ANKRD24: variants seen among roughly 807,000 people sequenced by gnomAD.
ANKRD24 encodes ankyrin repeat domain-containing protein 24.
In ANKRD24, 109 loss-of-function variants were observed where a neutral mutation model predicts 127.8. That is an observed-to-expected ratio of 0.85 (90% CI 0.73 to 1.00). The LOEUF (loss-of-function observed/expected upper bound fraction) is 1.00, where lower values mean the gene tolerates loss of function less well. Among genes scored for constraint, ANKRD24 ranks in the 50% least tolerant of loss-of-function variants. The pLI, the probability that ANKRD24 is intolerant of heterozygous loss-of-function variation, is 0.00. For synonymous variants in ANKRD24, 743 were observed against 671.1 expected (o/e 1.11, Z -1.66); for missense variants, 1,648 against 1,570.2 (o/e 1.05, Z -0.84).
At chr19:4,194,486 C>G (rs975767185) in intron 2 of ANKRD24, among the ~76,000 whole-genome samples, 3 of 152,128 alleles carry the variant, frequency 2.0e-5, no homozygotes, top group Admixed American at 2.0e-4. Flanking sequence ...TTTCACGTGT[C>G]AGGAAGGATG....
intron 13 of ANKRD24, among the ~76,000 whole-genome samples, chr19:4,210,820 T>TTA (rs1555716878): frequency 1.3e-5 from 2 of 149,162 alleles, no homozygotes; most frequent in African/African-American, 2.5e-5. Flanking sequence ...TTTATTTTTT[T>TTA]TTTATTTATT....
chr19:4,192,307 A>G (rs144237718), intron 2 of ANKRD24, among the ~76,000 whole-genome samples: 2 of 151,640 alleles, frequency 1.3e-5, no homozygotes, highest in Non-Finnish European at 1.5e-5. Context: ...CCATACATCA[A>G]TGCTTCCTGG....
At chr19:4,183,284 T>C (rs1308301442) in intron 1 of ANKRD24, 1 of 986,026 alleles carries the variant, frequency 1.0e-6, no homozygotes, top group Non-Finnish European at 1.2e-6. Context: ...CCGGCCAAGT[T>C]ATCTGAGTAT....
rs964086655 is a variant in ANKRD24 at position 4,195,547 on chromosome 19, G to GC, written c.37-4134dup. Among the ~76,000 whole-genome samples, 16 of 152,126 alleles carry GC rather than the reference G, an allele frequency of 1.1e-4. No individual in the cohort carries two copies. Among genetic ancestry groups the GC allele is most frequent in the Non-Finnish European group, 1.9e-4 (13 of 68,032 alleles). ...TCCAAGGACACCCTCCTTCCCAAAT[G>GC]CCTGTCACTTTCCATTTTCCTGCCT... On this transcript the variant is annotated intron_variant, in intron 2 of 21. Transcript: ENST00000318934. This position sits in a 1 kb window ranked among gnomAD's most constrained non-coding sequence, Gnocchi z 4.2.
At chr19:4,184,922 G>A (rs941190255) in intron 1 of ANKRD24, among the ~76,000 whole-genome samples, 1 of 150,946 alleles carries the variant, frequency 6.6e-6, no homozygotes, top group East Asian at 1.9e-4. Context: ...ATGGATGGAT[G>A]GATGGAAGGA....
chr19:4,185,637 TC>T (rs1243766627), intron 1 of ANKRD24, among the ~76,000 whole-genome samples: 5 of 152,172 alleles, frequency 3.3e-5, no homozygotes, highest in African/African-American at 9.7e-5. Context: ...CGCCCCACAC[TC>T]AACGTCACAC....
intron 2 of ANKRD24, among the ~76,000 whole-genome samples, chr19:4,189,053 G>A (rs111712652): frequency 0.028 from 4,089 of 146,476 alleles, 193 homozygotes; most frequent in African/African-American, 0.098. Context: ...CAGGTGATTT[G>A]CCCGCCTCAG....
In ANKRD24 at chr19:4,186,384, C is replaced by G. The variant is rs373392552; in HGVS notation, c.-36-6C>G. ...CTCACCTTACCCCCACCCTTGCCCTCCTCAGGTGGCCTGTGGAGAGGAGAA... is the reference window on the plus strand; with the variant it reads ...CTCACCTTACCCCCACCCTTGCCCTGCTCAGGTGGCCTGTGGAGAGGAGAA... On this transcript the variant is annotated splice_polypyrimidine_tract_variant and splice_region_variant and intron_variant, in intron 1 of 21. Transcript: ENST00000318934. The G allele has an allele frequency of 6.4e-7, 1 of 1,568,620 alleles. No individual in the cohort carries two copies. Among genetic ancestry groups the G allele is most frequent in the East Asian group, 2.4e-5 (1 of 41,904 alleles).
At chr19:4,220,269 G>A (rs1255225596) in intron 19 of ANKRD24, among the ~76,000 whole-genome samples, 1 of 152,196 alleles carries the variant, frequency 6.6e-6, no homozygotes, top group Admixed American at 6.5e-5. Flanking sequence ...CACTGCGTCT[G>A]TCTCCACAGT....
intron 2 of ANKRD24, among the ~76,000 whole-genome samples, chr19:4,193,845 G>GAGGGAGGGAGGGAGGGAGGGACGGAAGGA (rs573649233): frequency 2.5e-5 from 1 of 40,606 alleles, no homozygotes; most frequent in Non-Finnish European, 4.3e-5. Context: ...GGGAGGGAGG[G>GAGGGAGGGAGGGAGGGAGGGACGGAAGGA]AGGAAGGAAG....
intron 5 of ANKRD24, 40 bp downstream of exon 5, chr19:4,200,211 G>C: frequency 6.5e-7 from 1 of 1,537,200 alleles, no homozygotes; most frequent in Non-Finnish European, 8.8e-7. Flanking sequence ...GAGGAACTAA[G>C]CCCAGGTGCC....
At chr19:4,209,021 G>C (rs1969548229) in intron 11 of ANKRD24, 1 of 430,916 alleles carries the variant, frequency 2.3e-6, no homozygotes, top group Non-Finnish European at 4.2e-6. Context: ...TTATGGGGCT[G>C]GGGTGGGAGG....
intron 10 of ANKRD24, among the ~76,000 whole-genome samples, chr19:4,208,469 G>A (rs1969517978): frequency 6.6e-6 from 1 of 152,240 alleles, no homozygotes; most frequent in Admixed American, 6.5e-5. Flanking sequence ...TTTTAGTGGA[G>A]TCGGGGTTTC....
At chr19:4,190,293 G>A (rs889876353) in intron 2 of ANKRD24, among the ~76,000 whole-genome samples, 6 of 152,044 alleles carry the variant, frequency 3.9e-5, no homozygotes, top group Non-Finnish European at 8.8e-5. Context: ...AAATCAGCCG[G>A]GCGTGGTGGC....
At chr19:4,205,752 G>A (rs1180871477) in intron 7 of ANKRD24, among the ~76,000 whole-genome samples, 1 of 152,192 alleles carries the variant, frequency 6.6e-6, no homozygotes, top group African/African-American at 2.4e-5. Flanking sequence ...GGAGGCTGAG[G>A]CAGGAGAATC....
At chr19:4,218,951 A>AAAC (rs1970293759) in intron 18 of ANKRD24, among the ~76,000 whole-genome samples, 1 of 151,786 alleles carries the variant, frequency 6.6e-6, no homozygotes, top group Non-Finnish European at 1.5e-5. Flanking sequence ...AATTTTTTGT[A>AAAC]AAGACAGGGT....
chr19:4,213,596 C>G (rs1446056670), intron 15 of ANKRD24, among the ~76,000 whole-genome samples: 1 of 151,334 alleles, frequency 6.6e-6, no homozygotes, highest in Non-Finnish European at 1.5e-5. Context: ...GCTGGGTCTA[C>G]AGCTGCACGT....
intron 19 of ANKRD24, among the ~76,000 whole-genome samples, chr19:4,222,308 G>C (rs1970485074): frequency 6.6e-6 from 1 of 152,206 alleles, no homozygotes; most frequent in South Asian, 2.1e-4. Context: ...AGAATTGCTT[G>C]AACCTGGGAG....
At position 4,182,725 on chromosome 19, in the gene ANKRD24, G is replaced by T; in HGVS notation, c.-52G>T. ...GTTATCTGCTGTCAGAAGGAAGCCT[G>T]CCTCTTTGCATGCAGGTGTTTGCGG... On this transcript the variant is annotated 5_prime_UTR_variant, in exon 1 of 22. Coordinates refer to ENST00000318934, the MANE Select transcript of ANKRD24 (RefSeq NM_001393985.1). 1 of 1,403,936 alleles carries T rather than the reference G, an allele frequency of 7.1e-7. No homozygotes were observed. The highest frequency in any genetic ancestry group is 9.3e-7 in the Non-Finnish European group (1 of 1,077,246). 87.0% of individuals were successfully genotyped at this position (1,403,936 alleles called of 1,614,324 possible). A position where few individuals can be genotyped will look rare whatever the true frequency, so the allele number is the denominator to read the frequency against.
Sources: allele counts gnomAD v4.1 joint callset (sites outside exome capture counted in the v4.1 genomes callset), GRCh38; gene constraint gnomAD v4.1.1; non-coding constraint Gnocchi (gnomAD v3.1); transcripts MANE v1.5; gene names NCBI Gene and HGNC (gene_info 2026-07-23, HGNC 2026-07-21).